The following IDE variants were observed in gnomAD, a reference collection of about 807,000 sequenced individuals.
The protein encoded by IDE is insulin degrading enzyme.
In IDE, 58 loss-of-function variants were observed where a neutral mutation model predicts 133.2. The ratio of observed to expected loss-of-function variants is 0.44; its 90% CI spans 0.35 to 0.54. The LOEUF (loss-of-function observed/expected upper bound fraction) is 0.54. IDE is among the 20% of genes least tolerant of loss of function. The pLI is 0.00. For missense variants in IDE, 981 were observed against 1,234.0 expected, an observed-to-expected ratio of 0.79 and a Z score of 3.07; for synonymous variants, 396 against 421.3, an observed-to-expected ratio of 0.94 and a Z score of 0.73.
chr10:92,544,875 C>G (rs964343883), intron 1 of IDE, among the ~76,000 whole-genome samples: 3 of 152,092 alleles, frequency 2.0e-5, no homozygotes, highest in Non-Finnish European at 4.4e-5. Context: ...ATGTACAGAA[C>G]TGACTCATGC....
intron 9 of IDE, 47 bp from the exon 10 acceptor site, chr10:92,506,569 A>G: frequency 2.2e-6 from 2 of 916,730 alleles, no homozygotes. Context: ...CCTTATTTAG[A>G]AACCTTTTTT....
rs1315984615 is a variant in IDE, at chr10:92,530,071, C to T, written c.661+1677G>A. 3.3e-5 allele frequency among the ~76,000 whole-genome samples: 5 copies of T among 151,884 alleles called. No individual in the cohort carries two copies. The East Asian group carries it at 9.8e-4, about 30-fold the overall frequency. On this transcript the variant is annotated intron_variant, in intron 4 of 24. Transcript: ENST00000265986. ...AGAAACCCCGCCTCTACTAAAAGTA[C>T]ACAAATTAGCCGGGCATGGTGGCGG... is the stretch of plus-strand genomic sequence containing the variant.
chr10:92,522,014 G>T (rs1165009968), intron 4 of IDE, among the ~76,000 whole-genome samples: 1 of 151,896 alleles, frequency 6.6e-6, no homozygotes, highest in East Asian at 1.9e-4. Flanking sequence ...CACACATAGG[G>T]TCATTATAGT....
chr10:92,501,712 C>T (rs1180491721), intron 11 of IDE, among the ~76,000 whole-genome samples: 2 of 151,136 alleles, frequency 1.3e-5, no homozygotes, highest in Admixed American at 1.3e-4. Context: ...CGGTGACTCA[C>T]GCCTGTAATC....
At chr10:92,516,994 G>A (rs1030123490) in intron 4 of IDE, among the ~76,000 whole-genome samples, 2 of 152,214 alleles carry the variant, frequency 1.3e-5, no homozygotes, top group Non-Finnish European at 2.9e-5. Context: ...AATATCCTAA[G>A]ATCCTGGCAT....
chr10:92,464,020 A>G lies in IDE; in HGVS notation c.2489-17T>C. The G allele has an allele frequency of 1.2e-6, 2 of 1,604,574 alleles. No individual in the cohort carries two copies. The highest frequency in any genetic ancestry group is 1.7e-6 in the Non-Finnish European group (2 of 1,173,020). ...CGATATAGCCTGAAACACAGACATC[A>G]GCCAGTCATGACCGTGGCATTTGAG... On this transcript the variant is annotated splice_polypyrimidine_tract_variant and intron_variant, in intron 20 of 24. Coordinates refer to ENST00000265986, the MANE Select transcript of IDE (RefSeq NM_004969.4).
At chr10:92,465,405 T>C (rs1845626364) in intron 20 of IDE, among the ~76,000 whole-genome samples, 1 of 152,200 alleles carries the variant, frequency 6.6e-6, no homozygotes, top group Non-Finnish European at 1.5e-5. Flanking sequence ...CATAAGCTTG[T>C]CCTTAGTATC....
At chr10:92,482,527 T>C (rs1846675942) in intron 14 of IDE, among the ~76,000 whole-genome samples, 1 of 152,210 alleles carries the variant, frequency 6.6e-6, no homozygotes, top group South Asian at 2.1e-4. Context: ...GATCATTTAG[T>C]AACTAGTACC....
chr10:92,573,098 C>G, intron 1 of IDE: 1 of 985,448 alleles, frequency 1.0e-6, no homozygotes, highest in Non-Finnish European at 1.2e-6. Flanking sequence ...CAAGATAATA[C>G]TGCCTATCTT....
In IDE at chr10:92,475,859, A is replaced by C. The variant is rs769953735; in HGVS notation, c.1995+25T>G. On this transcript the variant is annotated intron_variant, in intron 16 of 24. Transcript: ENST00000265986. ...ATATAGCAATATTATCTTATGAATA[A>C]AAAAGCAGGGTTCAGAAAACTTACT... 4.7e-6 allele frequency: 4 copies of C among 853,534 alleles called. No individual in the cohort carries two copies. In the South Asian group the frequency reaches 4.9e-5, roughly 10 times the overall value. 52.9% of individuals were successfully genotyped at this position (853,534 alleles called of 1,614,324 possible).
At chr10:92,542,245 C>T (rs1842344373) in intron 1 of IDE, among the ~76,000 whole-genome samples, 1 of 152,186 alleles carries the variant, frequency 6.6e-6, no homozygotes, top group African/African-American at 2.4e-5. Context: ...GCCTCAACAT[C>T]CCGGGCTCAG....
chr10:92,509,287 G>C (rs965684788), intron 6 of IDE, among the ~76,000 whole-genome samples: 21 of 152,086 alleles, frequency 1.4e-4, no homozygotes, highest in African/African-American at 5.1e-4. Flanking sequence ...TTATTATCCC[G>C]ACAAATATTT....
intron 1 of IDE, among the ~76,000 whole-genome samples, chr10:92,568,294 TATGATACCAGGGCATACTTGC>T (rs1283550166): frequency 1.6e-4 from 24 of 152,258 alleles, no homozygotes; most frequent in African/African-American, 5.3e-4. Flanking sequence ...CAATGATCAA[TATGATACCAGGGCATACTTGC>T]ATGACTGCCA....
rs143679829 is a variant in IDE, at chr10:92,523,890, C to T, written c.661+7858G>A. Among the ~76,000 whole-genome samples, 1,155 of 152,002 alleles carry T rather than the reference C, an allele frequency of 7.6e-3. 16 individuals are homozygous for T. The highest frequency in any genetic ancestry group is 0.027 in the African/African-American group (1,100 of 41,444). On this transcript the variant is annotated intron_variant, in intron 4 of 24. Coordinates refer to ENST00000265986, the MANE Select transcript of IDE (RefSeq NM_004969.4). ...ATAAACCCAGTTGCTCCCACAGTGTCGGTAGAGTTATGTTTGGAGAAACAG... is the reference window on the plus strand; with the variant it reads ...ATAAACCCAGTTGCTCCCACAGTGTTGGTAGAGTTATGTTTGGAGAAACAG...
At chr10:92,534,497 C>A in intron 3 of IDE, 81 bp downstream of exon 3, 3 of 841,222 alleles carry the variant, frequency 3.6e-6, no homozygotes, top group Non-Finnish European at 5.6e-6. Context: ...ATTATGAAGC[C>A]ATCTCTGTGG....
rs1180470702 is a variant in IDE, at chr10:92,549,317, T to C, written c.99-11767A>G. Among the ~76,000 whole-genome samples, 3 of 152,250 alleles carry C rather than the reference T, an allele frequency of 2.0e-5. No individual in the cohort carries two copies. In the East Asian group the frequency reaches 5.8e-4, roughly 29 times the overall value. On this transcript the variant is annotated intron_variant, in intron 1 of 24. Transcript: ENST00000265986. ...GTGCTAAGGATGAAAGACCCTAGCT[T>C]ATAGTTCTGATTTTATTACCCCCAA...
At chr10:92,454,587 A>G in intron 24 of IDE, 48 bp from the exon 25 acceptor site, 1 of 1,358,098 alleles carries the variant, frequency 7.4e-7, no homozygotes, top group Non-Finnish European at 1.1e-6. Context: ...TAAACATCAG[A>G]ATAAGGACAT....
At chr10:92,553,539 A>G (rs1473141383) in intron 1 of IDE, among the ~76,000 whole-genome samples, 1 of 152,200 alleles carries the variant, frequency 6.6e-6, no homozygotes, top group Non-Finnish European at 1.5e-5. Flanking sequence ...CCAGACAAGG[A>G]CATTACAAGA....
intron 11 of IDE, among the ~76,000 whole-genome samples, chr10:92,502,408 T>C (rs1164311893): frequency 2.0e-5 from 3 of 152,214 alleles, no homozygotes; most frequent in Non-Finnish European, 2.9e-5. Flanking sequence ...TATGCTTTTG[T>C]TGCTATTATA....
Sources: gnomAD v4.1 joint callset for allele counts (sites outside exome capture counted in the v4.1 genomes callset) on GRCh38, gnomAD v4.1.1 for gene constraint, MANE v1.5 for transcripts, NCBI Gene and HGNC (gene_info 2026-07-23, HGNC 2026-07-21) for gene names.